The following PRELID2 variants were observed in gnomAD, a reference collection of about 807,000 sequenced individuals.
The protein encoded by PRELID2 is PRELI domain-containing protein 2.
A neutral mutation model predicts 28.4 loss-of-function variants in PRELID2; 25 were observed. That is an observed-to-expected ratio of 0.88 (90% confidence interval 0.64 to 1.23). The LOEUF is 1.23. Among genes scored for constraint, PRELID2 ranks in the 50% most tolerant of loss-of-function variants. PRELID2 has a pLI of 0.00. For synonymous variants in PRELID2, 76 were observed against 71.6 expected (o/e 1.06, Z -0.31); for missense variants, 201 against 214.4 (o/e 0.94, Z 0.39).
chr5:145,435,570 T>C, the PRELID2 span, among the ~76,000 whole-genome samples: 2 of 152,224 alleles, frequency 1.3e-5, no homozygotes, highest in Non-Finnish European at 2.9e-5. Context: ...GCCTACTTTA[T>C]CATTTCAGCC....
rs1365517052 is a variant in PRELID2, at chr5:145,817,198, A to AAAAAAAATAT, written c.368+695_368+696insATATTTTTTT. On this transcript the variant is annotated intron_variant, in intron 4 of 6. Coordinates refer to ENST00000683046, the MANE Select transcript of PRELID2 (RefSeq NM_205846.3). ...AGAGCAAGACTGCATTTCAAAAAAA[A>AAAAAAAATAT]ATAAATAAATAAATAAAAAAAAATA... Among the ~76,000 whole-genome samples, 575 of 69,496 alleles carry AAAAAAAATAT rather than the reference A, an allele frequency of 8.3e-3. 17 individuals are homozygous for AAAAAAAATAT. Among genetic ancestry groups the AAAAAAAATAT allele is most frequent in the Non-Finnish European group, 0.014 (414 of 30,228 alleles). The allele number at this position is 69,496 out of a possible 152,430, so 45.6% of individuals were successfully genotyped here.
intron 1 of PRELID2, among the ~76,000 whole-genome samples, chr5:145,520,788 A>T (rs1218694417): frequency 6.6e-6 from 1 of 152,180 alleles, no homozygotes; most frequent in African/African-American, 2.4e-5. Context: ...GCCTGTTTTC[A>T]TATTATCATC....
the PRELID2 span, among the ~76,000 whole-genome samples, chr5:145,367,459 T>C: frequency 6.6e-6 from 1 of 151,912 alleles, no homozygotes; most frequent in Non-Finnish European, 1.5e-5. Context: ...TGATACATCA[T>C]AATTACCCAG....
intron 1 of PRELID2, among the ~76,000 whole-genome samples, chr5:145,549,359 T>C (rs1275329814): frequency 6.6e-6 from 1 of 152,244 alleles, no homozygotes. Context: ...ATTTTTCAAA[T>C]TCTTAGTGAT....
At chr5:145,500,279 G>A (rs1752348306) in intron 1 of PRELID2, among the ~76,000 whole-genome samples, 1 of 152,076 alleles carries the variant, frequency 6.6e-6, no homozygotes, top group Non-Finnish European at 1.5e-5. Context: ...TTGTTTAAAA[G>A]TGTGTAGCAC....
At chr5:145,611,036 A>C (rs58878643) in intron 1 of PRELID2, among the ~76,000 whole-genome samples, 6,951 of 149,588 alleles carry the variant, frequency 0.046, 490 homozygotes, top group African/African-American at 0.16. Flanking sequence ...AATATGAAAT[A>C]TAGAGAGAGA....
At chr5:145,427,310 C>G in the PRELID2 span, among the ~76,000 whole-genome samples, 1 of 152,194 alleles carries the variant, frequency 6.6e-6, no homozygotes, top group African/African-American at 2.4e-5. Context: ...TTTTAACCCT[C>G]TAATGTAGTG....
intron 1 of PRELID2, among the ~76,000 whole-genome samples, chr5:145,703,524 T>C (rs993131008): frequency 1.1e-4 from 17 of 152,180 alleles, no homozygotes; most frequent in African/African-American, 3.6e-4. Flanking sequence ...AAAATGTCAG[T>C]TCCAACAGCA....
intron 1 of PRELID2, among the ~76,000 whole-genome samples, chr5:145,830,805 A>AT (rs1755533625): frequency 6.6e-6 from 1 of 152,196 alleles, no homozygotes; most frequent in Non-Finnish European, 1.5e-5. Flanking sequence ...TGCAGCTAAT[A>AT]TTTTGCCTGT....
At chr5:145,273,048 G>T in the PRELID2 span, among the ~76,000 whole-genome samples, 1 of 152,080 alleles carries the variant, frequency 6.6e-6, no homozygotes, top group Non-Finnish European at 1.5e-5. Flanking sequence ...CAGGGATCTT[G>T]ATCGCCATGC....
At chr5:145,650,962 C>T (rs970784004) in intron 1 of PRELID2, among the ~76,000 whole-genome samples, 5 of 152,088 alleles carry the variant, frequency 3.3e-5, no homozygotes, top group Middle Eastern at 3.2e-3. Flanking sequence ...GGCGAGGCAT[C>T]GCCTCACCTG....
chr5:145,305,042 G>A, the PRELID2 span, among the ~76,000 whole-genome samples: 1 of 152,148 alleles, frequency 6.6e-6, no homozygotes, highest in East Asian at 1.9e-4. Context: ...CACTGTCCAT[G>A]AATGATGGCA....
chr5:145,353,884 C>T, the PRELID2 span, among the ~76,000 whole-genome samples: 1 of 152,112 alleles, frequency 6.6e-6, no homozygotes, highest in Non-Finnish European at 1.5e-5. Flanking sequence ...AGGTCCTTCT[C>T]CAACTTTCTA....
At chr5:145,583,141 A>G (rs1021197915) in intron 1 of PRELID2, among the ~76,000 whole-genome samples, 1 of 152,130 alleles carries the variant, frequency 6.6e-6, no homozygotes. Context: ...TTCAACATAT[A>G]TAAACCAATA....
At chr5:145,701,445 A>T (rs570726417) in intron 1 of PRELID2, among the ~76,000 whole-genome samples, 1 of 152,366 alleles carries the variant, frequency 6.6e-6, no homozygotes, top group South Asian at 2.1e-4. Context: ...CAGAAGCTGA[A>T]AAAGGCCTCA....
the PRELID2 span, among the ~76,000 whole-genome samples, chr5:145,345,013 T>G: frequency 6.6e-6 from 1 of 152,148 alleles, no homozygotes; most frequent in East Asian, 1.9e-4. Flanking sequence ...TATACAAAAA[T>G]TGTTTATTTT....
chr5:145,258,524 C>T, the PRELID2 span, among the ~76,000 whole-genome samples: 1 of 152,092 alleles, frequency 6.6e-6, no homozygotes, highest in Admixed American at 6.5e-5. Context: ...TGCATTGTGC[C>T]TCTGCCCAAG....
chr5:145,503,625 C>T (rs1024383075), intron 1 of PRELID2, among the ~76,000 whole-genome samples: 6 of 152,122 alleles, frequency 3.9e-5, no homozygotes, highest in African/African-American at 1.2e-4. Context: ...GCACAATGGG[C>T]TACTGTGTGA....
At chr5:145,354,621 A>G in the PRELID2 span, among the ~76,000 whole-genome samples, 51 of 152,308 alleles carry the variant, frequency 3.3e-4, no homozygotes, top group Admixed American at 1.1e-3. Context: ...TCCTGTGCAG[A>G]ATTACTTCAT....
Sources: allele counts gnomAD v4.1 joint callset (sites outside exome capture counted in the v4.1 genomes callset), GRCh38; gene constraint gnomAD v4.1.1; transcripts MANE v1.5; gene names NCBI Gene and HGNC (gene_info 2026-07-23, HGNC 2026-07-21).